MARK2: variants seen among roughly 807,000 people sequenced by gnomAD.
MARK2 encodes microtubule affinity regulating kinase 2, also known as serine/threonine-protein kinase MARK2.
MARK2 carries 16 observed loss-of-function variants against 89.8 expected under a neutral mutation model. The observed-to-expected ratio is 0.18, with a 90% CI of 0.12 to 0.27. The LOEUF is 0.27. Ranked by LOEUF, MARK2 falls within the 10% of genes least tolerant of loss-of-function variation. The pLI, the probability that MARK2 is intolerant of heterozygous loss-of-function variation, is 1.00. For synonymous variants in MARK2, 382 were observed against 399.5 expected, an observed-to-expected ratio of 0.96 and a Z score of 0.52; for missense variants, 621 against 1,049.9, an observed-to-expected ratio of 0.59 and a Z score of 5.65.
Position 63,903,481 on chromosome 11 carries a change from G to T in MARK2, c.1514+323G>T. 2.5e-6 allele frequency: 1 copy of T among 396,700 alleles called. No homozygotes were observed. Among genetic ancestry groups the T allele is most frequent in the South Asian group, 2.5e-5 (1 of 40,116 alleles). The allele number at this position is 396,700 out of a possible 1,614,324, so 24.6% of individuals were successfully genotyped here. A position where few individuals can be genotyped will look rare whatever the true frequency, so the allele number is the denominator to read the frequency against. ...GAGCAGCTAAGGCCTTGTGTTGGGG[G>T]TCCCAGCTCAGGGCAGAACCAAGAG... On this transcript the variant is annotated intron_variant, in intron 14 of 18. Transcript: ENST00000402010. The surrounding 1 kb of genome is among the most constrained non-coding windows in gnomAD (Gnocchi z 5.1).
chr11:63,906,623 C>T (rs1474311543), intron 17 of MARK2, among the ~76,000 whole-genome samples: 2 of 152,026 alleles, frequency 1.3e-5, no homozygotes, highest in African/African-American at 4.8e-5. Context: ...TTTGTTGTCT[C>T]CTGGGTTTCC....
rs752630847 is a variant in MARK2, at chr11:63,909,086, C to T, written c.2216C>T (p.Thr739Met). 1.2e-6 allele frequency: 2 copies of T among 1,613,486 alleles called. No homozygotes were observed. The highest frequency in any genetic ancestry group is 2.2e-5 in the East Asian group (1 of 44,874). The change falls in exon 19 of 19, where the codon ACG becomes ATG. Residue 739 changes from threonine (T) to methionine (M), a missense_variant. Transcript: ENST00000402010. ...TACATGCTGCTGTGCATGCACGGCA[C>T]GCCGGGCCACGAGGACTTCGTGCAG... ...EKYMLLCMHGTPGHEDFVQWE... is the reference protein window; with the variant it reads ...EKYMLLCMHGMPGHEDFVQWE...
intron 1 of MARK2, among the ~76,000 whole-genome samples, chr11:63,854,378 G>GT (rs61469139): frequency 0.027 from 2,978 of 108,786 alleles, 61 homozygotes; most frequent in South Asian, 0.047. Context: ...TTTTCTATTT[G>GT]TTTTTTTTTT....
chr11:63,899,250 T>TTTC (rs1491584188), intron 7 of MARK2, 142 bp downstream of exon 7: 446 of 145,788 alleles, frequency 3.1e-3, no homozygotes, highest in Non-Finnish European at 3.9e-3. Flanking sequence ...TCTTTCTTTC[T>TTTC]TTTTTTTTTT....
chr11:63,896,716 A>G (rs1590671729), intron 3 of MARK2, among the ~76,000 whole-genome samples: 1 of 152,150 alleles, frequency 6.6e-6, no homozygotes, highest in Non-Finnish European at 1.5e-5. Flanking sequence ...TCTTCAGTTC[A>G]GTAGAAACAT....
intron 1 of MARK2, among the ~76,000 whole-genome samples, chr11:63,885,606 G>C (rs1018854045): frequency 4.0e-5 from 6 of 151,742 alleles, no homozygotes; most frequent in African/African-American, 1.5e-4. Flanking sequence ...AGGCTGGGGC[G>C]GGTGGATTAC....
chr11:63,898,524 T>A (rs548293289), intron 4 of MARK2, 84 bp from the exon 5 acceptor site: 6 of 1,127,410 alleles, frequency 5.3e-6, no homozygotes, highest in Middle Eastern at 2.0e-4. Flanking sequence ...AGACTTTCGT[T>A]CCTAGGATGC....
intron 1 of MARK2, among the ~76,000 whole-genome samples, chr11:63,856,112 T>C (rs188266184): frequency 5.9e-5 from 9 of 152,294 alleles, no homozygotes; most frequent in Non-Finnish European, 7.4e-5. Context: ...GTTGGTTACT[T>C]GCTTTGACTT....
chr11:63,870,487 G>T (rs550206804), intron 1 of MARK2, among the ~76,000 whole-genome samples: 1 of 152,164 alleles, frequency 6.6e-6, no homozygotes, highest in South Asian at 2.1e-4. Context: ...CGAGAAAAGC[G>T]AGAAGACTCT....
intron 1 of MARK2, among the ~76,000 whole-genome samples, chr11:63,876,220 GAACTTAGCCTTCA>G (rs142887991): frequency 0.68 from 102,781 of 151,658 alleles, 35,288 homozygotes; most frequent in East Asian, 0.94. Flanking sequence ...TAGATGACCA[GAACTTAGCCTTCA>G]AACTTAGCCT....
chr11:63,848,059 A>G (rs1454221677), intron 1 of MARK2, among the ~76,000 whole-genome samples: 1 of 152,212 alleles, frequency 6.6e-6, no homozygotes, highest in Admixed American at 6.5e-5. Flanking sequence ...ACCTGTAGGA[A>G]AGGTGGGAGC....
chr11:63,862,582 A>G (rs1937866912), intron 1 of MARK2, among the ~76,000 whole-genome samples: 1 of 152,108 alleles, frequency 6.6e-6, no homozygotes, highest in Non-Finnish European at 1.5e-5. Context: ...TTCTGGGCTC[A>G]CCTCCCTACT....
Position 63,903,256 on chromosome 11 carries a change from T to G in MARK2, c.1514+98T>G. The G allele has an allele frequency of 1.1e-6, 1 of 883,734 alleles. No individual in the cohort carries two copies. Among genetic ancestry groups the G allele is most frequent in the South Asian group, 1.4e-5 (1 of 71,862 alleles). 54.7% of individuals were successfully genotyped at this position (883,734 alleles called of 1,614,324 possible). On this transcript the variant is annotated intron_variant, in intron 14 of 18. Coordinates refer to ENST00000402010, the MANE Select transcript of MARK2 (RefSeq NM_001039469.3). This position sits in a 1 kb window ranked among gnomAD's most constrained non-coding sequence, Gnocchi z 5.1. ...CCGTCTCCTGTCCCTGCCAGCGCAT[T>G]GCTCCCTGCTCCCTGGAGTTCCATC...
At chr11:63,893,079 A>C (rs1384781950) in intron 1 of MARK2, among the ~76,000 whole-genome samples, 1 of 150,054 alleles carries the variant, frequency 6.7e-6, no homozygotes, top group African/African-American at 2.5e-5. Context: ...TGCCCAGCTA[A>C]TTTTTTGTAT....
intron 1 of MARK2, among the ~76,000 whole-genome samples, chr11:63,843,972 T>G (rs1038931382): frequency 6.6e-6 from 1 of 152,138 alleles, no homozygotes; most frequent in African/African-American, 2.4e-5. Context: ...TGTGCCCTGG[T>G]GCTAATTCTC....
At chr11:63,881,042 G>A (rs569458160) in intron 1 of MARK2, among the ~76,000 whole-genome samples, 4 of 152,124 alleles carry the variant, frequency 2.6e-5, no homozygotes, top group Non-Finnish European at 5.9e-5. Context: ...AGTGGCTCAC[G>A]CCTGTAATCC....
chr11:63,851,414 A>G (rs2016567095), intron 1 of MARK2, among the ~76,000 whole-genome samples: 1 of 152,000 alleles, frequency 6.6e-6, no homozygotes, highest in Non-Finnish European at 1.5e-5. Flanking sequence ...GTGAGAGCTC[A>G]TCTCTAAAAA....
At chr11:63,870,303 G>A (rs1449734477) in intron 1 of MARK2, among the ~76,000 whole-genome samples, 1 of 152,130 alleles carries the variant, frequency 6.6e-6, no homozygotes, top group Non-Finnish European at 1.5e-5. Flanking sequence ...TCAAATCCTA[G>A]GCTCAAGTGA....
chr11:63,888,985 C>A, intron 1 of MARK2: 1 of 1,346,620 alleles, frequency 7.4e-7, no homozygotes, highest in Non-Finnish European at 9.8e-7. Flanking sequence ...CCCCTTTTTA[C>A]TCTAGGATTG....
Sources: allele counts gnomAD v4.1 joint callset (sites outside exome capture counted in the v4.1 genomes callset), GRCh38; gene constraint gnomAD v4.1.1; non-coding constraint Gnocchi (gnomAD v3.1); transcripts MANE v1.5; gene names NCBI Gene and HGNC (gene_info 2026-07-23, HGNC 2026-07-21).